The following NR4A1 variants were observed in gnomAD, a reference collection of about 807,000 sequenced individuals.
NR4A1 encodes the protein nuclear receptor subfamily 4immunitygroup A member 1.
In NR4A1, 24 loss-of-function variants were observed where a neutral mutation model predicts 47.5. The observed-to-expected ratio is 0.50, with a 90% CI of 0.37 to 0.71. NR4A1 has a LOEUF of 0.71. Ranked by LOEUF, NR4A1 falls within the 30% of genes least tolerant of loss-of-function variation. The pLI is 0.00. For missense variants in NR4A1, 669 were observed against 788.6 expected (o/e 0.85, Z 1.82); for synonymous variants, 353 against 345.7 (o/e 1.02, Z -0.24).
At chr12:52,036,427 T>G (rs751981329) in intron 1 of NR4A1, among the ~76,000 whole-genome samples, 37 of 152,132 alleles carry the variant, frequency 2.4e-4, no homozygotes, top group Non-Finnish European at 5.0e-4. Context: ...GTATCTACTG[T>G]GTACAAGGCA....
intron 2 of NR4A1, chr12:52,055,712 C>T: frequency 3.5e-6 from 1 of 282,226 alleles, no homozygotes; most frequent in Non-Finnish European, 6.5e-6. Context: ...CTCCTGTCTG[C>T]CCTAGGGAGA....
intron 1 of NR4A1, among the ~76,000 whole-genome samples, chr12:52,041,531 G>A (rs1338399477): frequency 6.6e-6 from 1 of 152,222 alleles, no homozygotes; most frequent in African/African-American, 2.4e-5. Flanking sequence ...GTATGAGGTG[G>A]AGTTGCTAGA....
chr12:52,039,196 T>G (rs879518719), intron 1 of NR4A1, among the ~76,000 whole-genome samples: 6 of 152,270 alleles, frequency 3.9e-5, no homozygotes, highest in Non-Finnish European at 7.3e-5. Context: ...AAGTGCTTAA[T>G]GTATCTGGCA....
chr12:52,037,013 G>A (rs1448374074), intron 1 of NR4A1, among the ~76,000 whole-genome samples: 1 of 151,720 alleles, frequency 6.6e-6, no homozygotes, highest in Non-Finnish European at 1.5e-5. Flanking sequence ...CCGCGGGGCG[G>A]GGCGCTCGCG....
chr12:52,036,153 C>A (rs1240409271), intron 1 of NR4A1, among the ~76,000 whole-genome samples: 2 of 152,300 alleles, frequency 1.3e-5, no homozygotes, highest in African/African-American at 2.4e-5. Context: ...CCTGACCAGC[C>A]TCTCCTGAGT....
rs140988245 is a variant in NR4A1 at position 52,056,621 on chromosome 12, C to T, written c.1134C>T (p.Ser378=). The T allele has an allele frequency of 1.7e-3, 2,701 of 1,605,702 alleles. 18 individuals are homozygous for T. The highest frequency in any genetic ancestry group is 9.8e-4 in the Non-Finnish European group (1,157 of 1,177,770). ...LVRAHLDSGP[S]TAKLDYSKFQ... ...GTGCACACCTGGACTCAGGGCCCAG[C>T]ACTGCCAAACTGGACTACTCCAAGG... Residue 378 remains serine, a synonymous_variant, in exon 4 of 7, where the codon AGC becomes AGT. Transcript: ENST00000394825.
intron 1 of NR4A1, among the ~76,000 whole-genome samples, chr12:52,036,900 C>G (rs1022631891): frequency 9.2e-5 from 14 of 152,206 alleles, no homozygotes; most frequent in African/African-American, 3.4e-4. Flanking sequence ...CCCCAGGTGC[C>G]CAGCCTCGGA....
chr12:52,056,237 G>A, intron 3 of NR4A1, 78 bp downstream of exon 3: 1 of 1,507,632 alleles, frequency 6.6e-7, no homozygotes, highest in African/African-American at 1.4e-5. Context: ...CCAGGCTTCT[G>A]CCCTGGAGGA....
At chr12:52,052,304 T>TGTGTGAGA (rs398019589) in intron 1 of NR4A1, among the ~76,000 whole-genome samples, 9 of 70,652 alleles carry the variant, frequency 1.3e-4, no homozygotes, top group Middle Eastern at 6.9e-3. Flanking sequence ...TGTGTGTGTG[T>TGTGTGAGA]GAGAGAGAGA....
At chr12:52,026,140 T>G (rs996160967) in intron 1 of NR4A1, among the ~76,000 whole-genome samples, 2 of 152,252 alleles carry the variant, frequency 1.3e-5, no homozygotes, top group Non-Finnish European at 1.5e-5. Context: ...GGCAATGACA[T>G]GAGCTGCACT....
chr12:52,054,599 T>A lies in NR4A1; in HGVS notation c.271T>A (p.Ser91Thr), dbSNP rs755284803. 8.1e-6 allele frequency: 13 copies of A among 1,614,076 alleles called. No homozygotes were observed. Among genetic ancestry groups the A allele is most frequent in the Non-Finnish European group, 1.1e-5 (13 of 1,179,992 alleles). ...ASSSASSTSS[S>T]SATSPASASF... ...CTCCTCGGCCTCCTCCACATCCTCGTCCTCAGCCACCTCCCCTGCCTCTGC... is the reference window on the plus strand; with the variant it reads ...CTCCTCGGCCTCCTCCACATCCTCGACCTCAGCCACCTCCCCTGCCTCTGC... The change falls in exon 2 of 7, where the codon TCC becomes ACC. Residue 91 changes from serine to threonine, a missense_variant. By Grantham distance (58) the Ser-to-Thr change is moderately conservative. Coordinates refer to ENST00000394825, the MANE Select transcript of NR4A1 (RefSeq NM_173157.3).
intron 1 of NR4A1, among the ~76,000 whole-genome samples, chr12:52,036,272 C>G (rs1417545941): frequency 6.6e-6 from 1 of 152,094 alleles, no homozygotes; most frequent in Non-Finnish European, 1.5e-5. Flanking sequence ...CCTGCACCCC[C>G]AGGAAAATTC....
intron 1 of NR4A1, among the ~76,000 whole-genome samples, chr12:52,035,225 A>G (rs1490247140): frequency 1.3e-5 from 2 of 152,174 alleles, no homozygotes; most frequent in African/African-American, 2.4e-5. Context: ...CCGCCTCCAC[A>G]TGCCACCCAA....
intron 1 of NR4A1, among the ~76,000 whole-genome samples, chr12:52,027,845 G>A (rs1350408447): frequency 6.6e-6 from 1 of 152,192 alleles, no homozygotes; most frequent in African/African-American, 2.4e-5. Context: ...TGAGAGTAAC[G>A]TGGCTAGGCT....
Position 52,057,171 on chromosome 12 carries a change from C to G in NR4A1, c.1273C>G (p.Pro425Ala). The G allele has an allele frequency of 6.2e-7, 1 of 1,614,094 alleles. No homozygotes were observed. Among genetic ancestry groups the G allele is most frequent in the Non-Finnish European group, 8.5e-7 (1 of 1,179,950 alleles). The change falls in exon 5 of 7, where the codon CCT becomes GCT. Residue 425 changes from proline to alanine, a missense_variant. Physicochemically the swap from Pro to Ala is conservative, Grantham distance 27 (BLOSUM62 -1). Coordinates refer to ENST00000394825, the MANE Select transcript of NR4A1 (RefSeq NM_173157.3). Reference protein sequence around the residue: ...EVIRKWAEKIPGFAELSPADQ... With the variant: ...EVIRKWAEKIAGFAELSPADQ... ...CATCCGCAAGTGGGCGGAGAAGATC[C>G]CTGGCTTTGCTGAGCTGTCACCGGC...
At chr12:52,053,123 G>A (rs1293632209) in intron 1 of NR4A1, among the ~76,000 whole-genome samples, 1 of 152,154 alleles carries the variant, frequency 6.6e-6, no homozygotes, top group Non-Finnish European at 1.5e-5. Context: ...TCATTGACTG[G>A]TGAGGCCAGA....
rs766761818 is a variant in NR4A1 at position 52,058,767 on chromosome 12, A to T, written c.1620A>T (p.Ala540=). The T allele has an allele frequency of 1.2e-6, 2 of 1,612,698 alleles. No homozygotes were observed. The highest frequency in any genetic ancestry group is 1.7e-6 in the Non-Finnish European group (2 of 1,179,644). ...CCAGCTGCCTGAAGGAGCACGTGGC[A>T]GCTGTGGCGGGCGAGCCCCAGCCAG... The part of the protein sequence containing the change: ...RIASCLKEHV[A]AVAGEPQPAS... The change falls in exon 7 of 7, where the codon GCA becomes GCT. Residue 540 remains alanine (A), a synonymous_variant. Transcript: ENST00000394825.
At chr12:52,055,235 T>C (rs1939197607) in intron 2 of NR4A1, 31 bp downstream of exon 2, 1 of 1,606,344 alleles carries the variant, frequency 6.2e-7, no homozygotes, top group Admixed American at 1.7e-5. Context: ...GGGCCTTTTG[T>C]TGGAAATGGA....
At chr12:52,031,719 C>T (rs1289890669) in intron 1 of NR4A1, among the ~76,000 whole-genome samples, 2 of 151,876 alleles carry the variant, frequency 1.3e-5, no homozygotes, top group African/African-American at 4.8e-5. Flanking sequence ...TTACAGCTGC[C>T]TGTTAAATAT....
Sources: allele counts gnomAD v4.1 joint callset (sites outside exome capture counted in the v4.1 genomes callset), GRCh38; gene constraint gnomAD v4.1.1; transcripts MANE v1.5; gene names NCBI Gene and HGNC (gene_info 2026-07-23, HGNC 2026-07-21).